Variants in MDGA2 observed in about 807,000 individuals in gnomAD.
The protein encoded by MDGA2 is MAM domain-containing glycosylphosphatidylinositol anchor protein 2.
A neutral mutation model predicts 117.8 loss-of-function variants in MDGA2; 40 were observed. That is an observed-to-expected ratio of 0.34 (90% CI 0.26 to 0.44). The LOEUF (loss-of-function observed/expected upper bound fraction) is 0.44. Ranked by LOEUF, MDGA2 falls within the 20% of genes least tolerant of loss-of-function variation. The pLI is 1.00. For synonymous variants in MDGA2, 452 were observed against 439.0 expected (o/e 1.03, Z -0.37); for missense variants, 1,123 against 1,250.6 (o/e 0.90, Z 1.54).
At chr14:47,241,300 A>C (rs954737914) in intron 2 of MDGA2, among the ~76,000 whole-genome samples, 1 of 151,876 alleles carries the variant, frequency 6.6e-6, no homozygotes, top group African/African-American at 2.4e-5. Flanking sequence ...AAAATGGTGA[A>C]ACCATTGCTC....
At chr14:47,168,838 A>C (rs1287961719) in intron 3 of MDGA2, among the ~76,000 whole-genome samples, 2 of 152,100 alleles carry the variant, frequency 1.3e-5, no homozygotes. Context: ...CCTTCAAGAC[A>C]CTAATTCAAT....
chr14:47,207,793 G>C (rs1277605586), intron 3 of MDGA2, among the ~76,000 whole-genome samples: 1 of 151,950 alleles, frequency 6.6e-6, no homozygotes, highest in Non-Finnish European at 1.5e-5. Flanking sequence ...AAGAGATCAT[G>C]AATAAAAACA....
intron 3 of MDGA2, among the ~76,000 whole-genome samples, chr14:47,152,562 C>T (rs1029724425): frequency 6.6e-6 from 1 of 151,900 alleles, no homozygotes; most frequent in Non-Finnish European, 1.5e-5. Context: ...TCAAATATAT[C>T]TTAATCTAAA....
chr14:47,636,618 T>C (rs1367251994), intron 1 of MDGA2, among the ~76,000 whole-genome samples: 1 of 151,866 alleles, frequency 6.6e-6, no homozygotes, highest in East Asian at 1.9e-4. Flanking sequence ...ACCCCATCTC[T>C]ACTAAAAATA....
At chr14:47,467,929 T>C (rs1893637834) in intron 1 of MDGA2, among the ~76,000 whole-genome samples, 1 of 152,142 alleles carries the variant, frequency 6.6e-6, no homozygotes, top group African/African-American at 2.4e-5. Context: ...CTTAATGAAA[T>C]GTCTGTATGA....
intron 5 of MDGA2, among the ~76,000 whole-genome samples, chr14:47,105,938 A>C (rs1880642319): frequency 7.2e-6 from 1 of 139,254 alleles, no homozygotes; most frequent in Non-Finnish European, 1.5e-5. Flanking sequence ...TCCCCTCCTC[A>C]CACCTGGTCC....
chr14:47,552,431 G>A (rs536463691), intron 1 of MDGA2, among the ~76,000 whole-genome samples: 1 of 152,212 alleles, frequency 6.6e-6, no homozygotes, highest in Non-Finnish European at 1.5e-5. Context: ...TTGCAACTAT[G>A]TCCTTTCCAT....
At chr14:47,643,414 T>C (rs1897466297) in intron 1 of MDGA2, among the ~76,000 whole-genome samples, 1 of 152,072 alleles carries the variant, frequency 6.6e-6, no homozygotes, top group African/African-American at 2.4e-5. Flanking sequence ...ATTAATGATT[T>C]CTCTACACCA....
chr14:47,234,631 G>A (rs1472769065), intron 2 of MDGA2, among the ~76,000 whole-genome samples: 1 of 152,046 alleles, frequency 6.6e-6, no homozygotes, highest in Non-Finnish European at 1.5e-5. Context: ...TCAGGCCACA[G>A]GAAATGACAT....
chr14:47,038,678 C>T (rs910017889), intron 7 of MDGA2, among the ~76,000 whole-genome samples: 7 of 151,846 alleles, frequency 4.6e-5, no homozygotes, highest in South Asian at 2.1e-4. Context: ...TGGCTCATGC[C>T]TATAATTCCA....
At chr14:47,200,720 A>G in intron 3 of MDGA2, 1 of 916,022 alleles carries the variant, frequency 1.1e-6, no homozygotes, top group Non-Finnish European at 1.7e-6. Flanking sequence ...CTTCTCCTGC[A>G]GGGTGGCTGT....
chr14:47,397,302 G>A (rs193174771), intron 1 of MDGA2, among the ~76,000 whole-genome samples: 33 of 152,204 alleles, frequency 2.2e-4, no homozygotes, highest in African/African-American at 7.2e-4. Flanking sequence ...AACACAGGGA[G>A]GGTAACAAGA....
At chr14:47,566,536 A>G (rs1309941052) in intron 1 of MDGA2, among the ~76,000 whole-genome samples, 1 of 152,174 alleles carries the variant, frequency 6.6e-6, no homozygotes, top group African/African-American at 2.4e-5. Context: ...TGGGCTGCAC[A>G]CATGCTGGAG....
At chr14:47,395,603 C>T (rs1244491867) in intron 1 of MDGA2, among the ~76,000 whole-genome samples, 1 of 151,822 alleles carries the variant, frequency 6.6e-6, no homozygotes, top group African/African-American at 2.4e-5. Context: ...TTGAGAGTTA[C>T]AATGAAAACT....
At chr14:47,591,713 C>G (rs376163592) in intron 1 of MDGA2, among the ~76,000 whole-genome samples, 1 of 151,980 alleles carries the variant, frequency 6.6e-6, no homozygotes. Context: ...TCAGAAAGAG[C>G]CTTCAATAAA....
intron 1 of MDGA2, among the ~76,000 whole-genome samples, chr14:47,662,289 A>G (rs1279325768): frequency 2.0e-5 from 3 of 149,536 alleles, no homozygotes; most frequent in African/African-American, 7.3e-5. Flanking sequence ...CTCTTAACAT[A>G]GTTAATCGAT....
intron 9 of MDGA2, among the ~76,000 whole-genome samples, chr14:46,947,837 TA>T (rs373992594): frequency 0.012 from 1,884 of 150,898 alleles, 17 homozygotes; most frequent in Middle Eastern, 0.037. Flanking sequence ...CTTTCTAATT[TA>T]AAAAAAAAAT....
rs534463671 is a variant in MDGA2, at chr14:47,119,361, G to A, written c.925+12353C>T. Among the ~76,000 whole-genome samples the A allele has an allele frequency of 1.1e-4, 16 of 152,136 alleles. 1 individual carries two copies. The highest frequency in any genetic ancestry group is 3.6e-4 in the African/African-American group (15 of 41,526). ...ATTACAGGCGTGAGCCACCGGGCCC[G>A]GCCCTACATATTCTTTAACTGTGGA... On this transcript the variant is annotated intron_variant, in intron 5 of 16. Transcript: ENST00000399232.
chr14:46,853,652 G>A (rs929331695), intron 15 of MDGA2, among the ~76,000 whole-genome samples: 2 of 151,636 alleles, frequency 1.3e-5, no homozygotes, highest in African/African-American at 4.8e-5. Flanking sequence ...GCTATAATCA[G>A]TGGAAATCTT....
Sources: allele counts gnomAD v4.1 joint callset (sites outside exome capture counted in the v4.1 genomes callset), GRCh38; gene constraint gnomAD v4.1.1; transcripts MANE v1.5; gene names NCBI Gene and HGNC (gene_info 2026-07-23, HGNC 2026-07-21).